Variants in C10orf90 observed in about 807,000 individuals in gnomAD.
C10orf90 encodes chromosome 10 open reading frame 90.
A neutral mutation model predicts 62.5 loss-of-function variants in C10orf90; 56 were observed. The ratio of observed to expected loss-of-function variants is 0.90; its 90% CI spans 0.72 to 1.12. The LOEUF (loss-of-function observed/expected upper bound fraction) is 1.12. Ranked by LOEUF, C10orf90 falls within the 50% of genes most tolerant of loss-of-function variation. The pLI, the probability that C10orf90 is intolerant of heterozygous loss-of-function variation, is 0.00. For synonymous variants in C10orf90, 386 were observed against 340.4 expected (o/e 1.13, Z -1.47); for missense variants, 970 against 880.4 (o/e 1.10, Z -1.29).
chr10:126,445,265 T>TAGATTGTG (rs1858683532), intron 7 of C10orf90, among the ~76,000 whole-genome samples: 1 of 152,086 alleles, frequency 6.6e-6, no homozygotes. Flanking sequence ...TCACAATCTA[T>TAGATTGTG]ACATCTGACA....
At chr10:126,553,698 A>G (rs10751564) in intron 2 of C10orf90, among the ~76,000 whole-genome samples, 110,351 of 152,078 alleles carry the variant, frequency 0.73, 40,134 homozygotes, top group Middle Eastern at 0.78. Context: ...TAGCCAAGGT[A>G]TGTTGTAGGC....
chr10:126,550,670 C>G (rs1317813781), intron 2 of C10orf90, among the ~76,000 whole-genome samples: 1 of 151,808 alleles, frequency 6.6e-6, no homozygotes, highest in African/African-American at 2.4e-5. Context: ...CCACCACGCC[C>G]AGCTAATTTT....
At chr10:126,563,580 A>T (rs7911416) in intron 2 of C10orf90, among the ~76,000 whole-genome samples, 43,285 of 152,020 alleles carry the variant, frequency 0.28, 6,542 homozygotes, top group East Asian at 0.41. Flanking sequence ...TGTGTGGACC[A>T]CCTGGTGGCC....
At chr10:126,628,933 G>A (rs992442981) in intron 2 of C10orf90, among the ~76,000 whole-genome samples, 6 of 152,188 alleles carry the variant, frequency 3.9e-5, no homozygotes, top group African/African-American at 7.2e-5. Context: ...GGTGCCCACC[G>A]CTGTGTAGAC....
chr10:126,590,982 A>G (rs1591126047), intron 2 of C10orf90, among the ~76,000 whole-genome samples: 1 of 152,192 alleles, frequency 6.6e-6, no homozygotes, highest in South Asian at 2.1e-4. Context: ...CACCCTCCCA[A>G]GACTGAACCA....
At chr10:126,498,134 A>C (rs1030499558) in intron 4 of C10orf90, among the ~76,000 whole-genome samples, 6 of 152,224 alleles carry the variant, frequency 3.9e-5, no homozygotes, top group Admixed American at 3.9e-4. Context: ...ACCAGCCAGC[A>C]GCAGAAAGGC....
intron 2 of C10orf90, chr10:126,523,025 AAAAC>A (rs1863817235): frequency 6.6e-6 from 1 of 152,226 alleles, no homozygotes. Context: ...GCTCCCTCAA[AAAAC>A]AGTGTGTTAT....
chr10:126,668,568 T>C (rs1471760963), intron 1 of C10orf90, among the ~76,000 whole-genome samples: 3 of 152,196 alleles, frequency 2.0e-5, no homozygotes, highest in Non-Finnish European at 4.4e-5. Context: ...AAATCGGAAA[T>C]GTTTGCTACC....
At chr10:126,572,957 G>C (rs1298935360) in intron 2 of C10orf90, among the ~76,000 whole-genome samples, 1 of 152,108 alleles carries the variant, frequency 6.6e-6, no homozygotes, top group Non-Finnish European at 1.5e-5. Context: ...AGTCAACTCT[G>C]TCTATGGAGT....
At chr10:126,617,034 C>G (rs1845555052) in intron 2 of C10orf90, among the ~76,000 whole-genome samples, 1 of 152,120 alleles carries the variant, frequency 6.6e-6, no homozygotes, top group East Asian at 1.9e-4. Flanking sequence ...CATTTGCAGT[C>G]AGGAAATGAA....
chr10:126,642,299 A>G lies in C10orf90; in HGVS notation c.313+4266T>C, dbSNP rs546764842. ...TGTAATCCCAGCACTTTGGGAGGCCAAGGTGGGCAGATCACGAGGTCGGGA... is the reference window on the plus strand; with the variant it reads ...TGTAATCCCAGCACTTTGGGAGGCCGAGGTGGGCAGATCACGAGGTCGGGA... On this transcript the variant is annotated intron_variant, in intron 2 of 9. Coordinates refer to ENST00000488181, the MANE Select transcript of C10orf90 (RefSeq NM_001350921.2). Among the ~76,000 whole-genome samples, 468 of 152,158 alleles carry G rather than the reference A, an allele frequency of 3.1e-3. 2 individuals are homozygous for G. The highest frequency in any genetic ancestry group is 0.017 in the Middle Eastern group (5 of 294).
rs1349713603 is a variant in C10orf90, at chr10:126,464,779, G to A, written c.1742C>T (p.Pro581Leu). The change falls in exon 5 of 10, where the codon CCT (proline) becomes CTT (leucine). Residue 581 changes from proline to leucine, a missense_variant. By Grantham distance (98) the Pro-to-Leu change is moderately conservative. Coordinates refer to ENST00000488181, the MANE Select transcript of C10orf90 (RefSeq NM_001350921.2). ...QSFLKPRILF[P>L]GFLCPLQDVC... The stretch of plus-strand genomic sequence containing the variant: ...ATCTTGTAAGGGGCAAAGAAACCCA[G>A]GAAAAAGGATTCTGGGTTTCAGGAA... 3 of 1,614,074 alleles carry A rather than the reference G, an allele frequency of 1.9e-6. No individual in the cohort carries two copies. The highest frequency in any genetic ancestry group is 2.5e-6 in the Non-Finnish European group (3 of 1,180,012).
At chr10:126,622,711 A>C (rs1845670531) in intron 2 of C10orf90, among the ~76,000 whole-genome samples, 1 of 152,094 alleles carries the variant, frequency 6.6e-6, no homozygotes. Context: ...TTCCCCTGAA[A>C]CCTGAATGAC....
chr10:126,505,736 C>T (rs1189217615), intron 3 of C10orf90, among the ~76,000 whole-genome samples: 1 of 152,140 alleles, frequency 6.6e-6, no homozygotes, highest in Admixed American at 6.5e-5. Flanking sequence ...GGGCGGATCA[C>T]CTGAGGTCGT....
intron 2 of C10orf90, among the ~76,000 whole-genome samples, chr10:126,607,458 A>G (rs774576799): frequency 2.0e-5 from 3 of 152,232 alleles, no homozygotes; most frequent in Admixed American, 1.3e-4. Flanking sequence ...ACATTTTTTC[A>G]TGATGAACAC....
At chr10:126,606,694 C>T (rs559111725) in intron 2 of C10orf90, among the ~76,000 whole-genome samples, 41 of 152,200 alleles carry the variant, frequency 2.7e-4, no homozygotes, top group African/African-American at 7.5e-4. Flanking sequence ...AGTGGGGCCC[C>T]GGATGAAAGT....
chr10:126,635,576 C>T (rs1410989823), intron 2 of C10orf90, among the ~76,000 whole-genome samples: 1 of 152,194 alleles, frequency 6.6e-6, no homozygotes, highest in Admixed American at 6.5e-5. Flanking sequence ...CATGGAGCTC[C>T]AGATTAACGA....
chr10:126,599,163 G>C (rs1241500842), intron 2 of C10orf90, among the ~76,000 whole-genome samples: 1 of 150,514 alleles, frequency 6.6e-6, no homozygotes, highest in East Asian at 2.0e-4. Context: ...AGAATGCCAG[G>C]CCTCATTGGG....
chr10:126,487,682 A>G (rs537539197), intron 4 of C10orf90, among the ~76,000 whole-genome samples: 2 of 152,282 alleles, frequency 1.3e-5, no homozygotes, highest in African/African-American at 4.8e-5. Context: ...ACTTTGATGC[A>G]CCACCAAAAG....
Sources: gnomAD v4.1 joint callset for allele counts (sites outside exome capture counted in the v4.1 genomes callset) on GRCh38, gnomAD v4.1.1 for gene constraint, MANE v1.5 for transcripts, NCBI Gene and HGNC (gene_info 2026-07-23, HGNC 2026-07-21) for gene names.